The following BAZ2B variants were observed in gnomAD, a reference collection of about 807,000 sequenced individuals.
BAZ2B encodes the protein bromodomain adjacent to zinc finger domain protein 2B.
Under a neutral mutation model 246.0 loss-of-function variants are expected in BAZ2B, and 91 were observed. The ratio of observed to expected loss-of-function variants is 0.37; its 90% CI spans 0.31 to 0.44. The LOEUF (loss-of-function observed/expected upper bound fraction) is 0.44, where lower values mean the gene tolerates loss of function less well. Among genes scored for constraint, BAZ2B ranks in the 20% least tolerant of loss-of-function variants. The pLI is 1.00. For missense variants in BAZ2B, 2,332 were observed against 2,533.7 expected, an observed-to-expected ratio of 0.92 and a Z score of 1.71; for synonymous variants, 855 against 860.0, an observed-to-expected ratio of 0.99 and a Z score of 0.10.
chr2:159,374,646 T>C (rs1312325351), intron 26 of BAZ2B, 45 bp downstream of exon 26: 1 of 1,535,380 alleles, frequency 6.5e-7, no homozygotes, highest in East Asian at 2.3e-5. Flanking sequence ...TGTAGATTTC[T>C]AAAACACTGT....
intron 1 of BAZ2B, among the ~76,000 whole-genome samples, chr2:159,586,097 CTAAT>C (rs548417373): frequency 6.8e-4 from 104 of 152,268 alleles, no homozygotes; most frequent in Admixed American, 5.6e-3. Flanking sequence ...TGTTTTTACA[CTAAT>C]TATTTTACAA....
In BAZ2B at chr2:159,412,318, C is replaced by G; in HGVS notation, c.2677+17G>C. On this transcript the variant is annotated intron_variant, in intron 14 of 36. Transcript: ENST00000392783. ...TTTTAGTATGATTATTAGTGTCAGA[C>G]ACATTATGTTTCTTACCTTGAGCTT... 1 of 1,610,128 alleles carries G rather than the reference C, an allele frequency of 6.2e-7. No individual in the cohort carries two copies. Among genetic ancestry groups the G allele is most frequent in the Non-Finnish European group, 8.5e-7 (1 of 1,176,470 alleles).
chr2:159,400,701 T>C (rs1024438321), intron 16 of BAZ2B, 37 bp from the exon 17 acceptor site: 3 of 1,200,758 alleles, frequency 2.5e-6, no homozygotes, highest in Non-Finnish European at 3.6e-6. Flanking sequence ...GATAATAAAA[T>C]AAACTATCTG....
chr2:159,552,591 GTACTTGAACTC>G (rs1214853969), intron 2 of BAZ2B, among the ~76,000 whole-genome samples: 1 of 152,162 alleles, frequency 6.6e-6, no homozygotes, highest in Admixed American at 6.5e-5. Context: ...AGTGACGTTA[GTACTTGAACTC>G]TATAGGTTCT....
At chr2:159,400,519 T>C (rs768512212) in intron 17 of BAZ2B, 80 bp downstream of exon 17, 29 of 815,570 alleles carry the variant, frequency 3.6e-5, no homozygotes, top group Non-Finnish European at 5.3e-5. Flanking sequence ...TGAGAAAACA[T>C]GCACGCAAAA....
chr2:159,548,558 T>TA (rs1283203525), intron 2 of BAZ2B, among the ~76,000 whole-genome samples: 5 of 152,214 alleles, frequency 3.3e-5, no homozygotes, highest in African/African-American at 1.2e-4. Flanking sequence ...CCTAGCATCT[T>TA]AAAAAATCAG....
intron 27 of BAZ2B, among the ~76,000 whole-genome samples, chr2:159,372,197 C>CT (rs2060923643): frequency 6.6e-6 from 1 of 152,138 alleles, no homozygotes; most frequent in Non-Finnish European, 1.5e-5. Flanking sequence ...CCTACAGTGC[C>CT]TAGAAATGTC....
intron 2 of BAZ2B, among the ~76,000 whole-genome samples, chr2:159,493,771 G>A (rs1285196514): frequency 1.3e-5 from 2 of 152,068 alleles, no homozygotes; most frequent in African/African-American, 4.8e-5. Flanking sequence ...AATATCCCTA[G>A]CACAAATTGG....
chr2:159,400,494 G>T, intron 17 of BAZ2B, 105 bp downstream of exon 17: 1 of 691,762 alleles, frequency 1.4e-6, no homozygotes, highest in South Asian at 1.8e-5. Flanking sequence ...GAGAATATCT[G>T]ACAAACAATT....
At chr2:159,474,153 G>A (rs2078196329) in intron 3 of BAZ2B, among the ~76,000 whole-genome samples, 1 of 152,082 alleles carries the variant, frequency 6.6e-6, no homozygotes, top group Admixed American at 6.6e-5. Flanking sequence ...TATTGGAAGT[G>A]GGGTGTTTAA....
At chr2:159,410,335 T>C (rs1026020221) in intron 14 of BAZ2B, among the ~76,000 whole-genome samples, 2 of 152,184 alleles carry the variant, frequency 1.3e-5, no homozygotes, top group African/African-American at 4.8e-5. Flanking sequence ...TCTGTGTTCG[T>C]ACCCAAATCT....
chr2:159,475,331 CTTCA>C (rs2078388028), intron 3 of BAZ2B, among the ~76,000 whole-genome samples: 1 of 152,172 alleles, frequency 6.6e-6, no homozygotes, highest in Admixed American at 6.6e-5. Flanking sequence ...CTTTCGTCTG[CTTCA>C]TTGATTCGGC....
intron 3 of BAZ2B, among the ~76,000 whole-genome samples, chr2:159,474,720 C>T (rs925997640): frequency 1.3e-5 from 2 of 152,126 alleles, no homozygotes; most frequent in Non-Finnish European, 2.9e-5. Flanking sequence ...ATGTATAGTG[C>T]TTCCTTCAGG....
At chr2:159,542,999 A>T (rs1361368394) in intron 2 of BAZ2B, among the ~76,000 whole-genome samples, 2 of 152,132 alleles carry the variant, frequency 1.3e-5, no homozygotes, top group African/African-American at 4.8e-5. Context: ...AAATTCCTTA[A>T]CTTCCCCATA....
the BAZ2B span, among the ~76,000 whole-genome samples, chr2:159,672,776 TG>T: frequency 1.3e-5 from 2 of 152,200 alleles, no homozygotes; most frequent in African/African-American, 4.8e-5. Flanking sequence ...ATGCACTTTT[TG>T]ATAAATAATG....
At chr2:159,325,002 T>A in intron 35 of BAZ2B, 48 bp from the exon 36 acceptor site, 1 of 1,208,252 alleles carries the variant, frequency 8.3e-7, no homozygotes, top group Non-Finnish European at 1.1e-6. Flanking sequence ...TACAACTGTC[T>A]TATTTTTTAA....
chr2:159,558,927 T>C (rs943781445), intron 1 of BAZ2B, among the ~76,000 whole-genome samples: 1 of 152,114 alleles, frequency 6.6e-6, no homozygotes, highest in Non-Finnish European at 1.5e-5. Flanking sequence ...TACCCCATCA[T>C]ACCAAATTAG....
At chr2:159,489,621 A>G (rs1017776402) in intron 2 of BAZ2B, among the ~76,000 whole-genome samples, 12 of 152,170 alleles carry the variant, frequency 7.9e-5, no homozygotes, top group African/African-American at 2.9e-4. Context: ...CTAGACTGAA[A>G]TGCCAGGTGT....
At chr2:159,360,238 G>A (rs2059539791) in intron 27 of BAZ2B, among the ~76,000 whole-genome samples, 1 of 152,114 alleles carries the variant, frequency 6.6e-6, no homozygotes, top group African/African-American at 2.4e-5. Flanking sequence ...TCCTTAAGCT[G>A]GTAAGTTATT....
Sources: gnomAD v4.1 joint callset for allele counts (sites outside exome capture counted in the v4.1 genomes callset) on GRCh38, gnomAD v4.1.1 for gene constraint, MANE v1.5 for transcripts, NCBI Gene and HGNC (gene_info 2026-07-23, HGNC 2026-07-21) for gene names.